Variants in COL5A1 observed in about 807,000 individuals in gnomAD.
The protein encoded by COL5A1 is collagen alpha-1(V) chain.
Under a neutral mutation model 263.7 loss-of-function variants are expected in COL5A1, and 16 were observed. The ratio of observed to expected loss-of-function variants is 0.06; its 90% CI spans 0.04 to 0.09. The LOEUF (loss-of-function observed/expected upper bound fraction) is 0.09, where lower values mean the gene tolerates loss of function less well. Among genes scored for constraint, COL5A1 ranks in the 10% least tolerant of loss-of-function variants. The pLI, the probability that COL5A1 is intolerant of heterozygous loss-of-function variation, is 1.00. For synonymous variants in COL5A1, 1,012 were observed against 1,004.5 expected, an observed-to-expected ratio of 1.01 and a Z score of -0.14; for missense variants, 2,036 against 2,540.5, an observed-to-expected ratio of 0.80 and a Z score of 4.27.
intron 4 of COL5A1, among the ~76,000 whole-genome samples, chr9:134,702,028 G>T (rs1007334878): frequency 3.9e-5 from 6 of 152,180 alleles, no homozygotes; most frequent in African/African-American, 1.4e-4. Flanking sequence ...TGCCCCGGGT[G>T]GGGGCGTTGG....
intron 20 of COL5A1, 52 bp downstream of exon 20, chr9:134,763,789 T>G: frequency 6.4e-7 from 1 of 1,557,428 alleles, no homozygotes. Context: ...GAGAAAGGCT[T>G]TGTCCAAGGC....
At chr9:134,784,814 C>CT (rs1837392602) in intron 29 of COL5A1, among the ~76,000 whole-genome samples, 175 bp from the exon 30 acceptor site, 1 of 152,252 alleles carries the variant, frequency 6.6e-6, no homozygotes, top group African/African-American at 2.4e-5. Context: ...AATGCGCTCG[C>CT]TTTGTCAGTG....
At chr9:134,679,362 G>C in intron 1 of COL5A1, among the ~76,000 whole-genome samples, 1 of 137,032 alleles carries the variant, frequency 7.3e-6, no homozygotes, top group South Asian at 2.5e-4. Flanking sequence ...AGAGCTAGTT[G>C]GGGGCACTGC....
chr9:134,654,551 G>T (rs1379939338), intron 1 of COL5A1, among the ~76,000 whole-genome samples: 1 of 122,416 alleles, frequency 8.2e-6, no homozygotes, highest in Non-Finnish European at 1.7e-5. Flanking sequence ...GGCTGGGTGT[G>T]TGTAGGGCTG....
intron 49 of COL5A1, among the ~76,000 whole-genome samples, chr9:134,814,306 G>C (rs1372093908): frequency 2.0e-5 from 3 of 152,284 alleles, no homozygotes; most frequent in Non-Finnish European, 4.4e-5. Context: ...CCCTTCGCGG[G>C]GCAGCTGCTG....
chr9:134,730,334 G>A lies in COL5A1; in HGVS notation c.1023G>A (p.Val341=), dbSNP rs200058261. 2 of 1,614,242 alleles carry A rather than the reference G, an allele frequency of 1.2e-6. No homozygotes were observed. The highest frequency in any genetic ancestry group is 2.2e-5 in the East Asian group (1 of 44,884). The change falls in exon 7 of 66, where the codon GTG becomes GTA. Residue 341 remains valine (V), a synonymous_variant. Transcript: ENST00000371817. ...TCGGCATCGGGGACTATGACTACGT[G>A]CCCAGTGAGGACTACTACACGCCCT... ...EDVGIGDYDY[V]PSEDYYTPSP...
intron 43 of COL5A1, among the ~76,000 whole-genome samples, chr9:134,809,868 G>A (rs1314740340): frequency 3.9e-5 from 6 of 152,136 alleles, no homozygotes; most frequent in African/African-American, 9.7e-5. Flanking sequence ...TTACATCTCC[G>A]GGCGGGAGAC....
chr9:134,642,298 T>A lies in COL5A1; in HGVS notation c.109+2T>A. ...GGGCGCCGCCTCCGAGCCGCGCAGGTAAGGGCGCCCCGGGGCGCGGGGCTG... is the reference window on the plus strand; with the variant it reads ...GGGCGCCGCCTCCGAGCCGCGCAGGAAAGGGCGCCCCGGGGCGCGGGGCTG... On this transcript the variant is annotated splice_donor_variant, in intron 1 of 65. Transcript: ENST00000371817. LOFTEE classifies it high-confidence loss of function. The surrounding 1 kb of genome is among the most constrained non-coding windows in gnomAD (Gnocchi z 4.5). 1 of 1,004,320 alleles carries A rather than the reference T, an allele frequency of 1.0e-6. No individual in the cohort carries two copies. The highest frequency in any genetic ancestry group is 1.3e-6 in the Non-Finnish European group (1 of 799,558). The allele number at this position is 1,004,320 out of a possible 1,614,324, so 62.2% of individuals were successfully genotyped here. A position where few individuals can be genotyped will look rare whatever the true frequency, so the allele number is the denominator to read the frequency against.
Position 134,752,686 on chromosome 9 carries a change from G to C in COL5A1, c.1719+41G>C, listed in dbSNP as rs748092691. 14 of 1,493,772 alleles carry C rather than the reference G, an allele frequency of 9.4e-6. No individual in the cohort carries two copies. In the Admixed American group the frequency reaches 1.2e-4, roughly 13 times the overall value. The allele number at this position is 1,493,772 out of a possible 1,614,324, so 92.5% of individuals were successfully genotyped here. A position where few individuals can be genotyped will look rare whatever the true frequency, so the allele number is the denominator to read the frequency against. ...ATCTGAGAGCTGGGCGTGGTGTGGG[G>C]ATTGGCCCACTCCCTGTGTCGTTGG... On this transcript the variant is annotated intron_variant, in intron 14 of 65. Coordinates refer to ENST00000371817, the MANE Select transcript of COL5A1 (RefSeq NM_000093.5).
At chr9:134,828,785 CCATA>C (rs781156436) in intron 63 of COL5A1, among the ~76,000 whole-genome samples, 246 of 150,998 alleles carry the variant, frequency 1.6e-3, no homozygotes, top group Non-Finnish European at 2.5e-3. Flanking sequence ...CAGATACACA[CCATA>C]CACAGACATT....
intron 42 of COL5A1, among the ~76,000 whole-genome samples, chr9:134,806,943 T>C (rs906203390): frequency 1.3e-5 from 2 of 151,750 alleles, no homozygotes; most frequent in Non-Finnish European, 2.9e-5. Context: ...GCCTCGGGAG[T>C]GGGGAGGAGC....
At chr9:134,759,465 A>G (rs1836158608) in intron 18 of COL5A1, among the ~76,000 whole-genome samples, 1 of 111,154 alleles carries the variant, frequency 9.0e-6, no homozygotes, top group Non-Finnish European at 1.7e-5. Flanking sequence ...TCATACATGC[A>G]CGCACACACA....
chr9:134,839,221 G>C (rs1839943136), intron 65 of COL5A1, among the ~76,000 whole-genome samples: 1 of 152,232 alleles, frequency 6.6e-6, no homozygotes, highest in African/African-American at 2.4e-5. Flanking sequence ...AGAGGGCCCA[G>C]GCACCCCGCC....
At position 134,652,398 on chromosome 9, in the gene COL5A1, G is replaced by T. The variant is rs1378631906; in HGVS notation, c.109+10102G>T. ...AGGTGGAGCCATCGGGAGAGGGAGA[G>T]GGGGTGGGAGGGCAGGGGAGCGACT... On this transcript the variant is annotated intron_variant, in intron 1 of 65. Transcript: ENST00000371817. The surrounding 1 kb of genome is among the most constrained non-coding windows in gnomAD (Gnocchi z 4.4). 1.3e-5 allele frequency among the ~76,000 whole-genome samples: 2 copies of T among 152,008 alleles called. No homozygotes were observed. The highest frequency in any genetic ancestry group is 2.9e-5 in the Non-Finnish European group (2 of 67,954).
chr9:134,659,343 G>A (rs1832129382), intron 1 of COL5A1, among the ~76,000 whole-genome samples: 1 of 152,108 alleles, frequency 6.6e-6, no homozygotes, highest in African/African-American at 2.4e-5. Flanking sequence ...GAGCCGAGAT[G>A]GCGCCATTGC....
chr9:134,763,144 C>T (rs1836528827), intron 19 of COL5A1, among the ~76,000 whole-genome samples: 1 of 152,146 alleles, frequency 6.6e-6, no homozygotes, highest in Non-Finnish European at 1.5e-5. Context: ...AGCATACATG[C>T]TTGCATGTGT....
chr9:134,796,853 C>A lies in COL5A1; in HGVS notation c.2850C>A (p.Pro950=). ...TGGCCTTTCTCTGTTCCCAGGGACC[C>A]AATGGACCCCAAGGACCCACAGGAT... ...GPAGPPGERG[P]NGPQGPTGFP... Residue 950 remains proline, a synonymous_variant, in exon 36 of 66, where the codon CCC becomes CCA. Coordinates refer to ENST00000371817, the MANE Select transcript of COL5A1 (RefSeq NM_000093.5). 1.2e-6 allele frequency: 2 copies of A among 1,614,102 alleles called. No individual in the cohort carries two copies. The highest frequency in any genetic ancestry group is 1.7e-6 in the Non-Finnish European group (2 of 1,179,952).
At chr9:134,825,699 C>A in intron 62 of COL5A1, 93 bp from the exon 63 acceptor site, 1 of 808,952 alleles carries the variant, frequency 1.2e-6, no homozygotes, top group Non-Finnish European at 2.1e-6. Flanking sequence ...TGCATTTTAA[C>A]TGCTGGACTG....
intron 39 of COL5A1, among the ~76,000 whole-genome samples, chr9:134,803,575 C>T (rs1838188788): frequency 6.6e-6 from 1 of 152,180 alleles, no homozygotes; most frequent in Non-Finnish European, 1.5e-5. Flanking sequence ...GCGGAGGTTG[C>T]AGTGTGCCAA....
Sources: gnomAD v4.1 joint callset for allele counts (sites outside exome capture counted in the v4.1 genomes callset) on GRCh38, gnomAD v4.1.1 for gene constraint, Gnocchi (gnomAD v3.1) non-coding constraint, MANE v1.5 for transcripts, NCBI Gene and HGNC (gene_info 2026-07-23, HGNC 2026-07-21) for gene names.